The following LYZL1 variants were observed in gnomAD, a reference collection of about 807,000 sequenced individuals.
LYZL1 encodes the protein lysozyme-like protein 1.
LYZL1 carries 16 observed loss-of-function variants against 17.9 expected under a neutral mutation model. The ratio of observed to expected loss-of-function variants is 0.90; its 90% CI spans 0.61 to 1.36. The LOEUF is 1.36. Among genes scored for constraint, LYZL1 ranks in the 40% most tolerant of loss-of-function variants. The pLI is 0.00. For missense variants in LYZL1, 149 were observed against 188.4 expected (o/e 0.79, Z 1.22); for synonymous variants, 58 against 71.8 (o/e 0.81, Z 0.97).
chr10:29,309,845 C>T (rs1835646388), intron 3 of LYZL1, among the ~76,000 whole-genome samples: 1 of 152,226 alleles, frequency 6.6e-6, no homozygotes. Flanking sequence ...GGCATTTTCT[C>T]TAAACACATT....
intron 1 of LYZL1, among the ~76,000 whole-genome samples, chr10:29,291,607 G>A (rs371342689): frequency 0.011 from 1,684 of 150,618 alleles, 20 homozygotes; most frequent in African/African-American, 0.029. Flanking sequence ...TTTTTTGCTT[G>A]CTTAACCCTG....
At chr10:29,310,922 C>T (rs1486126995) in intron 4 of LYZL1, 68 bp from the exon 5 acceptor site, 1 of 1,612,770 alleles carries the variant, frequency 6.2e-7, no homozygotes, top group Non-Finnish European at 8.5e-7. Flanking sequence ...TTTCTGTAGG[C>T]TTTGAAACTA....
chr10:29,317,901 A>G (rs796467695), intron 4 of LYZL1, among the ~76,000 whole-genome samples: 1 of 151,774 alleles, frequency 6.6e-6, no homozygotes, highest in Non-Finnish European at 1.5e-5. Flanking sequence ...CTATAATGAC[A>G]GCACCGCACT....
intron 3 of LYZL1, among the ~76,000 whole-genome samples, chr10:29,303,003 T>G (rs1407083170): frequency 2.0e-5 from 3 of 152,206 alleles, no homozygotes; most frequent in Non-Finnish European, 4.4e-5. Context: ...CTCTTTTGAA[T>G]GTGCTGAGGA....
intron 3 of LYZL1, among the ~76,000 whole-genome samples, chr10:29,296,311 T>G (rs1005963980): frequency 6.6e-6 from 1 of 152,082 alleles, no homozygotes; most frequent in African/African-American, 2.4e-5. Context: ...GAATCCTAAA[T>G]CAGCAGAGAG....
intron 4 of LYZL1, among the ~76,000 whole-genome samples, chr10:29,310,583 GAGCAGC>G (rs1166239643): frequency 6.6e-6 from 1 of 152,066 alleles, no homozygotes; most frequent in Non-Finnish European, 1.5e-5. Flanking sequence ...GAAAGAGAAT[GAGCAGC>G]AGCAAGAGGA....
chr10:29,305,978 T>C (rs1444842900), intron 3 of LYZL1, among the ~76,000 whole-genome samples: 1 of 152,232 alleles, frequency 6.6e-6, no homozygotes, highest in Non-Finnish European at 1.5e-5. Flanking sequence ...TATGCTAGCA[T>C]TTTTTACAAT....
At chr10:29,290,064 G>A (rs117440213) in intron 1 of LYZL1, among the ~76,000 whole-genome samples, 1,910 of 152,206 alleles carry the variant, frequency 0.013, 15 homozygotes, top group South Asian at 0.022. Flanking sequence ...CTTGTTACTT[G>A]GTGCGGTGGC....
intron 3 of LYZL1, among the ~76,000 whole-genome samples, chr10:29,316,618 T>A (rs1302658601): frequency 6.6e-6 from 1 of 151,982 alleles, no homozygotes; most frequent in Admixed American, 6.5e-5. Flanking sequence ...GAAAATAATT[T>A]CCAAAACTGA....
At chr10:29,300,478 C>T (rs575381327) in intron 3 of LYZL1, among the ~76,000 whole-genome samples, 11 of 152,132 alleles carry the variant, frequency 7.2e-5, no homozygotes, top group Admixed American at 3.3e-4. Flanking sequence ...TATTTATATA[C>T]CTCACAATCC....
intron 3 of LYZL1, among the ~76,000 whole-genome samples, chr10:29,308,890 A>C (rs1209371281): frequency 6.6e-6 from 1 of 152,218 alleles, no homozygotes; most frequent in Non-Finnish European, 1.5e-5. Context: ...ACTTAAGCCC[A>C]GGAGGTTGAG....
downstream of LYZL1, among the ~76,000 whole-genome samples, chr10:29,314,567 A>T (rs1425769288): frequency 2.0e-5 from 3 of 152,010 alleles, no homozygotes; most frequent in Non-Finnish European, 2.9e-5. Context: ...TGAACTATGA[A>T]CTAGCCACTG....
At chr10:29,295,845 G>A (rs921883714) in intron 3 of LYZL1, among the ~76,000 whole-genome samples, 1 of 152,184 alleles carries the variant, frequency 6.6e-6, no homozygotes, top group Non-Finnish European at 1.5e-5. Flanking sequence ...GGTGTGAGTG[G>A]TCCCTAGAAG....
chr10:29,293,017 G>T (rs1044457271), intron 3 of LYZL1, among the ~76,000 whole-genome samples: 4 of 152,078 alleles, frequency 2.6e-5, no homozygotes, highest in Non-Finnish European at 5.9e-5. Context: ...TAAGCAATTC[G>T]CTCAGAGGAT....
chr10:29,312,955 C>T (rs1261832646), downstream of LYZL1, among the ~76,000 whole-genome samples: 3 of 152,136 alleles, frequency 2.0e-5, no homozygotes, highest in African/African-American at 4.8e-5. Flanking sequence ...AAGAAAGTCT[C>T]CACTGATGAG....
intron 3 of LYZL1, among the ~76,000 whole-genome samples, chr10:29,309,570 C>T (rs1361933902): frequency 6.6e-6 from 1 of 152,052 alleles, no homozygotes; most frequent in Non-Finnish European, 1.5e-5. Context: ...GAACACAGCT[C>T]ACTGCAGCTT....
chr10:29,304,875 G>A (rs1195291854), intron 3 of LYZL1, among the ~76,000 whole-genome samples: 10 of 152,060 alleles, frequency 6.6e-5, no homozygotes, highest in South Asian at 2.1e-4. Flanking sequence ...TCCCAACTGC[G>A]CAACTAAATG....
chr10:29,306,234 G>A (rs1278750808), intron 3 of LYZL1, among the ~76,000 whole-genome samples: 1 of 152,102 alleles, frequency 6.6e-6, no homozygotes, highest in Non-Finnish European at 1.5e-5. Flanking sequence ...TGGCTATAAA[G>A]TATCTGAAAT....
intron 3 of LYZL1, among the ~76,000 whole-genome samples, chr10:29,296,774 TC>T: frequency 6.6e-6 from 1 of 152,128 alleles, no homozygotes; most frequent in Non-Finnish European, 1.5e-5. Context: ...TGAGTGGGAC[TC>T]CCCAGTGAAC....
Sources: allele counts gnomAD v4.1 joint callset (sites outside exome capture counted in the v4.1 genomes callset), GRCh38; gene constraint gnomAD v4.1.1; transcripts MANE v1.5; gene names NCBI Gene and HGNC (gene_info 2026-07-23, HGNC 2026-07-21).